Variants in WWOX observed in about 807,000 individuals in gnomAD.
The protein encoded by WWOX is WW domain-containing oxidoreductase.
A neutral mutation model predicts 46.2 loss-of-function variants in WWOX; 69 were observed. That is an observed-to-expected ratio of 1.49 (90% CI 1.23 to 1.82). The LOEUF (loss-of-function observed/expected upper bound fraction) is 1.82, where lower values mean the gene tolerates loss of function less well. Ranked by LOEUF, WWOX falls within the 40% of genes most tolerant of loss-of-function variation. The pLI, the probability that WWOX is intolerant of heterozygous loss-of-function variation, is 0.00. For missense variants in WWOX, 919 were observed against 542.6 expected, an observed-to-expected ratio of 1.69 and a Z score of -6.89; for synonymous variants, 359 against 202.6, an observed-to-expected ratio of 1.77 and a Z score of -6.56.
At chr16:79,146,324 T>C (rs1464892921) in intron 8 of WWOX, among the ~76,000 whole-genome samples, 3 of 152,172 alleles carry the variant, frequency 2.0e-5, no homozygotes, top group Admixed American at 6.5e-5. Flanking sequence ...AGAGCCTTCT[T>C]TGATGCCCCG....
intron 8 of WWOX, among the ~76,000 whole-genome samples, chr16:78,922,892 A>G (rs908246627): frequency 3.3e-5 from 5 of 152,238 alleles, no homozygotes; most frequent in African/African-American, 7.2e-5. Context: ...TACTAAAAAT[A>G]AGAACTTAAA....
chr16:78,967,183 G>T (rs546846266), intron 8 of WWOX, among the ~76,000 whole-genome samples: 2 of 150,968 alleles, frequency 1.3e-5, no homozygotes, highest in East Asian at 4.0e-4. Flanking sequence ...AGCCCTGAGA[G>T]ATACCTGGAA....
intron 8 of WWOX, among the ~76,000 whole-genome samples, chr16:78,574,720 C>T (rs957405701): frequency 1.3e-5 from 2 of 151,530 alleles, no homozygotes; most frequent in African/African-American, 2.4e-5. Context: ...GACATATGAT[C>T]TGACTAACAA....
chr16:78,848,363 G>A (rs773415209), intron 8 of WWOX, among the ~76,000 whole-genome samples: 2 of 152,192 alleles, frequency 1.3e-5, no homozygotes, highest in Non-Finnish European at 2.9e-5. Context: ...TAAATGCACT[G>A]TATTTGCTAA....
chr16:78,730,261 C>T (rs1181513214), intron 8 of WWOX, among the ~76,000 whole-genome samples: 1 of 152,022 alleles, frequency 6.6e-6, no homozygotes, highest in Non-Finnish European at 1.5e-5. Context: ...ACGTTAGTAC[C>T]TCAATTTTAC....
intron 8 of WWOX, among the ~76,000 whole-genome samples, chr16:78,617,262 C>T (rs768239765): frequency 5.9e-5 from 9 of 151,910 alleles, no homozygotes; most frequent in South Asian, 2.1e-4. Context: ...ATTAGGTGGG[C>T]GTGGTGGCGT....
intron 5 of WWOX, among the ~76,000 whole-genome samples, chr16:78,195,676 G>A (rs1395450347): frequency 6.6e-6 from 1 of 151,896 alleles, no homozygotes; most frequent in Non-Finnish European, 1.5e-5. Context: ...ACAAAAATTA[G>A]CCAGACATGG....
Position 78,227,371 on chromosome 16 carries a change from G to A in WWOX, c.516+63082G>A, listed in dbSNP as rs758778124. On this transcript the variant is annotated intron_variant, in intron 5 of 8. Coordinates refer to ENST00000566780, the MANE Select transcript of WWOX (RefSeq NM_016373.4). ...GTTACCTGAGACTCTCCGCCCATAG[G>A]ATGTAGTTCCTTTCCATTGGAACAC... 2.5e-4 allele frequency among the ~76,000 whole-genome samples: 38 copies of A among 152,262 alleles called. No homozygotes were observed. The Middle Eastern group carries it at 0.01, about 41-fold the overall frequency.
intron 8 of WWOX, among the ~76,000 whole-genome samples, chr16:79,088,323 C>T (rs7200161): frequency 0.043 from 6,614 of 152,242 alleles, 480 homozygotes; most frequent in African/African-American, 0.15. Context: ...TTCTCCAGCA[C>T]AGCCATGCAA....
chr16:78,754,571 T>A (rs1222857041), intron 8 of WWOX, among the ~76,000 whole-genome samples: 2 of 152,186 alleles, frequency 1.3e-5, no homozygotes, highest in African/African-American at 2.4e-5. Context: ...AAATAAAAAT[T>A]CATTTTCTCA....
intron 8 of WWOX, among the ~76,000 whole-genome samples, chr16:78,852,645 A>T (rs1338561276): frequency 6.6e-6 from 1 of 152,194 alleles, no homozygotes; most frequent in African/African-American, 2.4e-5. Flanking sequence ...GTGAGGGAGT[A>T]AATATTTATT....
At chr16:78,825,821 G>T in intron 8 of WWOX, 1 of 595,284 alleles carries the variant, frequency 1.7e-6, no homozygotes, top group Non-Finnish European at 3.1e-6. Context: ...GGGTTTTCTG[G>T]GCATCAAGGT....
At chr16:78,915,496 T>A (rs1158272321) in intron 8 of WWOX, among the ~76,000 whole-genome samples, 2 of 152,192 alleles carry the variant, frequency 1.3e-5, no homozygotes, top group Non-Finnish European at 2.9e-5. Flanking sequence ...CCAATGAGCC[T>A]ACACAGAATG....
chr16:79,169,045 C>G (rs916389171), intron 8 of WWOX, among the ~76,000 whole-genome samples: 1 of 152,184 alleles, frequency 6.6e-6, no homozygotes, highest in Non-Finnish European at 1.5e-5. Flanking sequence ...CTATTAGATA[C>G]AAATTAATAC....
At chr16:78,754,740 T>A (rs540936503) in intron 8 of WWOX, among the ~76,000 whole-genome samples, 2 of 152,090 alleles carry the variant, frequency 1.3e-5, no homozygotes, top group Admixed American at 6.5e-5. Context: ...AAAAAAGATT[T>A]CTTCTCCATC....
chr16:78,969,261 C>G (rs9926325), intron 8 of WWOX, among the ~76,000 whole-genome samples: 10,887 of 141,454 alleles, frequency 0.077, 468 homozygotes, highest in Non-Finnish European at 0.1. Flanking sequence ...TGCTCTCTCT[C>G]TCTCTCTCTT....
chr16:78,665,766 CCT>C, intron 8 of WWOX, among the ~76,000 whole-genome samples: 1 of 152,148 alleles, frequency 6.6e-6, no homozygotes, highest in East Asian at 1.9e-4. Context: ...CTCACTGCAA[CCT>C]CCACCTCCTG....
At chr16:78,323,008 C>T (rs1035655617) in intron 5 of WWOX, among the ~76,000 whole-genome samples, 2 of 152,174 alleles carry the variant, frequency 1.3e-5, no homozygotes, top group African/African-American at 4.8e-5. Flanking sequence ...GGCCATTGCA[C>T]TCCAGCCTGG....
chr16:79,179,009 A>T (rs2050857363), intron 8 of WWOX, among the ~76,000 whole-genome samples: 1 of 152,186 alleles, frequency 6.6e-6, no homozygotes, highest in South Asian at 2.1e-4. Flanking sequence ...CAGTGAGAAG[A>T]ATCAGTCTAC....
Sources: allele counts gnomAD v4.1 joint callset (sites outside exome capture counted in the v4.1 genomes callset), GRCh38; gene constraint gnomAD v4.1.1; transcripts MANE v1.5; gene names NCBI Gene and HGNC (gene_info 2026-07-23, HGNC 2026-07-21).